The following TOP1MT variants were observed in gnomAD, a reference collection of about 807,000 sequenced individuals.
The protein encoded by TOP1MT is DNA topoisomerase I mitochondrial.
A neutral mutation model predicts 73.9 loss-of-function variants in TOP1MT; 80 were observed. The observed-to-expected ratio is 1.08, with a 90% confidence interval of 0.90 to 1.30. The LOEUF is 1.30. Ranked by LOEUF, TOP1MT falls within the 50% of genes most tolerant of loss-of-function variation. TOP1MT has a pLI of 0.00. For synonymous variants in TOP1MT, 338 were observed against 326.4 expected (o/e 1.04, Z -0.38); for missense variants, 815 against 808.0 (o/e 1.01, Z -0.10).
At chr8:143,322,873 G>A (rs1430074230) in intron 7 of TOP1MT, among the ~76,000 whole-genome samples, 7 of 45,526 alleles carry the variant, frequency 1.5e-4, no homozygotes, top group African/African-American at 3.2e-4. Flanking sequence ...CACGCCACAC[G>A]CACGCAACAC....
At chr8:143,349,653 T>TTC (rs374245479), upstream of TOP1MT, among the ~76,000 whole-genome samples, 2 of 150,110 alleles carry the variant, frequency 1.3e-5, no homozygotes, top group African/African-American at 4.9e-5. Context: ...TTTTTTTTTT[T>TTC]CTGTTGAGAC....
chr8:143,331,869 A>AGGGTGGAAGAGGCAGGGCG (rs1258355485), intron 1 of TOP1MT: 1 of 155,984 alleles, frequency 6.4e-6, no homozygotes, highest in African/African-American at 2.4e-5. Context: ...GCAGGGTGGA[A>AGGGTGGAAGAGGCAGGGCG]GGGTGGAAGA....
Position 143,316,112 on chromosome 8 carries a change from C to T in TOP1MT, c.1345G>A (p.Ala449Thr). ...RALTRAEDSI[A>T]AKILSYNRAN... ...CGGTTGTAGGATAAGATCTTAGCTG[C>T]TATGCTGTCCTCGGCTGAGAGGCAC... The change falls in exon 11 of 14, where the codon GCA becomes ACA. Residue 449 changes from alanine (A) to threonine (T), a missense_variant. Transcript: ENST00000329245. 6.2e-7 allele frequency: 1 copy of T among 1,614,156 alleles called. No homozygotes were observed. Among genetic ancestry groups the T allele is most frequent in the Non-Finnish European group, 8.5e-7 (1 of 1,179,984 alleles).
Position 143,317,833 on chromosome 8 carries a change from G to C in TOP1MT, c.1220C>G (p.Thr407Ser). Residue 407 changes from threonine (T) to serine (S), a missense_variant, in exon 10 of 14, where the codon ACC (threonine) becomes AGC (serine). Coordinates refer to ENST00000329245, the MANE Select transcript of TOP1MT (RefSeq NM_052963.3). ...RDDLFDRLTT[T>S]SLNKHLQELM... is the part of the protein sequence containing the mutation. Reference sequence around the variant, plus strand: ...CTCCTGGAGGTGCTTGTTCAGGCTGGTCGTCTGGGGAGGAAAATGGTCTCT... The same window carrying C: ...CTCCTGGAGGTGCTTGTTCAGGCTGCTCGTCTGGGGAGGAAAATGGTCTCT... 6.2e-7 allele frequency: 1 copy of C among 1,614,120 alleles called. No homozygotes were observed.
chr8:143,351,364 G>C (rs1817317522), intron 1 of TOP1MT, among the ~76,000 whole-genome samples: 1 of 152,088 alleles, frequency 6.6e-6, no homozygotes, highest in South Asian at 2.1e-4. Context: ...CCTGAGGTCA[G>C]GAGTTCAAGA....
upstream of TOP1MT, among the ~76,000 whole-genome samples, chr8:143,356,579 AG>A (rs1446671842): frequency 6.4e-4 from 97 of 151,414 alleles, no homozygotes; most frequent in African/African-American, 2.2e-3. Flanking sequence ...CAAGGTCAGG[AG>A]TTTGAGACCA....
chr8:143,315,643 C>T (rs1383085790), intron 12 of TOP1MT, 84 bp downstream of exon 12: 10 of 950,046 alleles, frequency 1.1e-5, no homozygotes, highest in South Asian at 2.9e-5. Context: ...CAACAAGGGT[C>T]GTCTCCCACC....
intron 2 of TOP1MT, chr8:143,343,140 G>T: frequency 2.2e-6 from 1 of 455,166 alleles, no homozygotes; most frequent in South Asian, 1.6e-5. Context: ...GCAAGAATAA[G>T]CATTCATCAG....
Position 143,324,631 on chromosome 8 carries a change from T to A in TOP1MT, c.672-2A>T. On this transcript the variant is annotated splice_acceptor_variant, in intron 5 of 13. Transcript: ENST00000329245. LOFTEE classifies it high-confidence loss of function. ...GGCGGCTCGGGGATCTTCGAGTCCC[T>A]GCAGCAGAACAACGACCCAAACATA... The A allele has an allele frequency of 6.2e-7, 1 of 1,612,422 alleles. No individual in the cohort carries two copies. The highest frequency in any genetic ancestry group is 1.1e-5 in the South Asian group (1 of 91,064).
chr8:143,328,571 G>C (rs1816764929), intron 3 of TOP1MT, among the ~76,000 whole-genome samples: 1 of 152,378 alleles, frequency 6.6e-6, no homozygotes, highest in East Asian at 1.9e-4. Context: ...TTGCTAGTAA[G>C]CTGGACACAC....
At chr8:143,320,583 T>C (rs954201500) in intron 8 of TOP1MT, among the ~76,000 whole-genome samples, 1 of 152,210 alleles carries the variant, frequency 6.6e-6, no homozygotes, top group African/African-American at 2.4e-5. Flanking sequence ...TGACCTTATT[T>C]AAAAACAGGG....
intron 2 of TOP1MT, among the ~76,000 whole-genome samples, chr8:143,342,758 TAGAGAC>T (rs1367083869): frequency 1.4e-5 from 1 of 73,306 alleles, no homozygotes; most frequent in East Asian, 4.8e-4. Flanking sequence ...TTATTATTAT[TAGAGAC>T]AGAGTCTTGC....
chr8:143,322,345 C>T (rs371321727), intron 7 of TOP1MT, among the ~76,000 whole-genome samples: 101 of 104,004 alleles, frequency 9.7e-4, no homozygotes, highest in South Asian at 1.6e-3. Context: ...CACACAGGCA[C>T]GCCACACACG....
chr8:143,353,913 G>A (rs535361028), intron 1 of TOP1MT, among the ~76,000 whole-genome samples: 6 of 124,170 alleles, frequency 4.8e-5, no homozygotes, highest in South Asian at 5.5e-4. Flanking sequence ...GCAGTGAGCC[G>A]AGATCGCGCC....
intron 3 of TOP1MT, among the ~76,000 whole-genome samples, chr8:143,328,520 C>T (rs1442948760): frequency 6.6e-6 from 1 of 152,238 alleles, no homozygotes; most frequent in Non-Finnish European, 1.5e-5. Context: ...TAGAAAGGTG[C>T]CTCGCACCCG....
At chr8:143,359,549 G>GCC, upstream of TOP1MT, 2 of 455,430 alleles carry the variant, frequency 4.4e-6, no homozygotes, top group Non-Finnish European at 5.8e-6. Context: ...GGGTGGGGCA[G>GCC]CCAGGGGAGA....
rs1392163423 is a variant in TOP1MT, at chr8:143,309,848, C to G, written c.1703+220G>C. 2.0e-6 allele frequency: 3 copies of G among 1,535,674 alleles called. No homozygotes were observed. In the South Asian group the frequency reaches 3.6e-5, roughly 18 times the overall value. ...CTCCTGATGCCTCCGAGTCCCAGGC[C>G]ACTGTCAGCACCCCCACTTCACCCT... is the stretch of plus-strand genomic sequence containing the variant. On this transcript the variant is annotated intron_variant, in intron 13 of 13. Coordinates refer to ENST00000329245, the MANE Select transcript of TOP1MT (RefSeq NM_052963.3).
At chr8:143,321,790 C>A (rs1397218884) in intron 7 of TOP1MT, among the ~76,000 whole-genome samples, 1 of 80,720 alleles carries the variant, frequency 1.2e-5, no homozygotes, top group African/African-American at 4.3e-5. Context: ...ACGCCACACA[C>A]GCACGCCACA....
intron 1 of TOP1MT, among the ~76,000 whole-genome samples, chr8:143,332,054 G>A (rs369296234): frequency 6.6e-6 from 1 of 151,744 alleles, no homozygotes; most frequent in Admixed American, 6.6e-5. Flanking sequence ...CAGCTCTGGA[G>A]ATTGGGGGGG....
Sources: allele counts gnomAD v4.1 joint callset (sites outside exome capture counted in the v4.1 genomes callset), GRCh38; gene constraint gnomAD v4.1.1; transcripts MANE v1.5; gene names NCBI Gene and HGNC (gene_info 2026-07-23, HGNC 2026-07-21).